The following NDST4 variants were observed in gnomAD, a reference collection of about 807,000 sequenced individuals.
The protein encoded by NDST4 is N-heparan sulfate sulfotransferase 4.
NDST4 carries 63 observed loss-of-function variants against 100.8 expected under a neutral mutation model. The ratio of observed to expected loss-of-function variants is 0.62; its 90% CI spans 0.51 to 0.77. The LOEUF is 0.77. Among genes scored for constraint, NDST4 ranks in the 30% least tolerant of loss-of-function variants. The pLI is 0.00. For missense variants in NDST4, 943 were observed against 1,018.4 expected (o/e 0.93, Z 1.01); for synonymous variants, 377 against 361.8 (o/e 1.04, Z -0.48).
intron 1 of NDST4, among the ~76,000 whole-genome samples, chr4:115,092,755 GA>G (rs1172227531): frequency 6.6e-6 from 1 of 151,490 alleles, no homozygotes; most frequent in African/African-American, 2.4e-5. Context: ...TAGTAGTGGA[GA>G]AAAAATAAAA....
chr4:114,968,574 C>T (rs1280131659), intron 4 of NDST4, among the ~76,000 whole-genome samples: 2 of 152,060 alleles, frequency 1.3e-5, no homozygotes, highest in South Asian at 2.1e-4. Flanking sequence ...CATTCAACTC[C>T]GCCATTGCAA....
chr4:114,929,693 G>A (rs900057727), intron 6 of NDST4, among the ~76,000 whole-genome samples: 14 of 152,148 alleles, frequency 9.2e-5, no homozygotes, highest in African/African-American at 2.9e-4. Context: ...ACTATAGTTT[G>A]ATTAGTTCAC....
chr4:115,030,309 C>T (rs1011808882), intron 2 of NDST4, among the ~76,000 whole-genome samples: 3 of 152,024 alleles, frequency 2.0e-5, no homozygotes, highest in Non-Finnish European at 2.9e-5. Flanking sequence ...AAGTGGTATC[C>T]ATTTGAATGT....
chr4:115,026,111 C>A (rs1727978594), intron 2 of NDST4, among the ~76,000 whole-genome samples: 1 of 151,992 alleles, frequency 6.6e-6, no homozygotes, highest in East Asian at 1.9e-4. Flanking sequence ...CTTTCAACTC[C>A]TTATGTTGCA....
chr4:114,946,755 T>C (rs7670771), intron 4 of NDST4, among the ~76,000 whole-genome samples: 20,118 of 152,172 alleles, frequency 0.13, 1,789 homozygotes, highest in East Asian at 0.43. Flanking sequence ...ACCATGCTTT[T>C]CCAGAGGCTG....
intron 4 of NDST4, among the ~76,000 whole-genome samples, chr4:114,950,808 C>T (rs1166395143): frequency 6.6e-6 from 1 of 151,518 alleles, no homozygotes; most frequent in Non-Finnish European, 1.5e-5. Context: ...TTTTTCTTAC[C>T]CTTATAACAA....
chr4:115,022,233 C>T (rs186721433), intron 2 of NDST4, among the ~76,000 whole-genome samples: 31 of 143,816 alleles, frequency 2.2e-4, no homozygotes, highest in African/African-American at 5.2e-4. Context: ...TATATATATA[C>T]GTTCCACGTC....
intron 6 of NDST4, among the ~76,000 whole-genome samples, chr4:114,930,917 C>G (rs1029207052): frequency 7.2e-5 from 11 of 152,002 alleles, no homozygotes; most frequent in Non-Finnish European, 8.8e-5. Context: ...GTCAAGTTCT[C>G]TATCTTTGAT....
At chr4:114,974,945 C>A (rs1726596439) in intron 3 of NDST4, among the ~76,000 whole-genome samples, 1 of 152,126 alleles carries the variant, frequency 6.6e-6, no homozygotes, top group African/African-American at 2.4e-5. Context: ...GAAATCAGAT[C>A]ATTCTGGGAG....
intron 2 of NDST4, among the ~76,000 whole-genome samples, chr4:115,040,842 C>T (rs1728333594): frequency 6.6e-6 from 1 of 151,696 alleles, no homozygotes; most frequent in Non-Finnish European, 1.5e-5. Context: ...ATAGGTTTAT[C>T]TATATGTGCA....
chr4:115,099,570 C>T (rs2126297594), intron 1 of NDST4, among the ~76,000 whole-genome samples: 1 of 152,162 alleles, frequency 6.6e-6, no homozygotes, highest in Non-Finnish European at 1.5e-5. Flanking sequence ...AGATGGTACA[C>T]ATCATATGGT....
At chr4:114,858,349 G>A (rs1723843997) in intron 7 of NDST4, among the ~76,000 whole-genome samples, 3 of 152,168 alleles carry the variant, frequency 2.0e-5, no homozygotes, top group Admixed American at 1.3e-4. Context: ...GGCTCACAGA[G>A]TATATGGCTC....
chr4:115,059,465 A>C (rs940027686), intron 2 of NDST4, among the ~76,000 whole-genome samples: 2 of 152,044 alleles, frequency 1.3e-5, no homozygotes, highest in South Asian at 4.1e-4. Context: ...ATTACAAAGA[A>C]ATACATTTGG....
chr4:115,057,540 A>G (rs1352317825), intron 2 of NDST4, among the ~76,000 whole-genome samples: 1 of 152,080 alleles, frequency 6.6e-6, no homozygotes, highest in African/African-American at 2.4e-5. Context: ...CAGACATCAG[A>G]CAATGTTGGT....
At chr4:114,954,683 A>G (rs1001043485) in intron 4 of NDST4, among the ~76,000 whole-genome samples, 1 of 152,164 alleles carries the variant, frequency 6.6e-6, no homozygotes, top group African/African-American at 2.4e-5. Context: ...TTTGTTCTTA[A>G]AAGTGTATAT....
chr4:114,944,732 T>C (rs953274510), intron 4 of NDST4, among the ~76,000 whole-genome samples: 47 of 151,634 alleles, frequency 3.1e-4, no homozygotes, highest in Admixed American at 6.6e-4. Context: ...GGTGCCAGCA[T>C]GCATTGCAGT....
intron 6 of NDST4, among the ~76,000 whole-genome samples, chr4:114,934,160 A>G (rs1487007697): frequency 6.6e-6 from 1 of 152,206 alleles, no homozygotes; most frequent in Non-Finnish European, 1.5e-5. Context: ...AAAATAAAAT[A>G]TTATTCATCC....
chr4:114,986,254 T>C (rs767116851), intron 2 of NDST4, among the ~76,000 whole-genome samples: 3 of 152,212 alleles, frequency 2.0e-5, no homozygotes, highest in Non-Finnish European at 4.4e-5. Context: ...ATCATTAAAC[T>C]GCAGTGTGTT....
At chr4:114,873,379 A>G (rs952671109) in intron 6 of NDST4, among the ~76,000 whole-genome samples, 1 of 151,920 alleles carries the variant, frequency 6.6e-6, no homozygotes, top group South Asian at 2.1e-4. Context: ...ATTGAGATTC[A>G]TATGGAATCT....
Sources: allele counts gnomAD v4.1 joint callset (sites outside exome capture counted in the v4.1 genomes callset), GRCh38; gene constraint gnomAD v4.1.1; transcripts MANE v1.5; gene names NCBI Gene and HGNC (gene_info 2026-07-23, HGNC 2026-07-21).